Variants in LUZP2 observed in about 807,000 individuals in gnomAD.
LUZP2 encodes leucine zipper protein 2.
In LUZP2, 52 loss-of-function variants were observed where a neutral mutation model predicts 51.6. The ratio of observed to expected loss-of-function variants is 1.01; its 90% CI spans 0.81 to 1.27. The LOEUF (loss-of-function observed/expected upper bound fraction) is 1.27. LUZP2 is among the 50% of genes most tolerant of loss of function. The pLI is 0.00. For missense variants in LUZP2, 436 were observed against 395.4 expected (o/e 1.10, Z -0.87); for synonymous variants, 154 against 137.3 (o/e 1.12, Z -0.85).
At chr11:24,834,375 T>G (rs1004965362) in intron 5 of LUZP2, among the ~76,000 whole-genome samples, 1 of 152,226 alleles carries the variant, frequency 6.6e-6, no homozygotes, top group African/African-American at 2.4e-5. Context: ...ATTAGTCTGA[T>G]GAGAATGATG....
At chr11:25,056,792 T>C (rs1220723411) in intron 10 of LUZP2, among the ~76,000 whole-genome samples, 1 of 152,122 alleles carries the variant, frequency 6.6e-6, no homozygotes, top group East Asian at 1.9e-4. Flanking sequence ...CTTCTGTCAA[T>C]ATTTCATGTT....
At chr11:24,565,470 A>G (rs954764928) in intron 1 of LUZP2, among the ~76,000 whole-genome samples, 2 of 152,112 alleles carry the variant, frequency 1.3e-5, no homozygotes, top group African/African-American at 2.4e-5. Flanking sequence ...AAAATTTATG[A>G]TGGGCTAGAA....
intron 1 of LUZP2, among the ~76,000 whole-genome samples, chr11:24,719,019 T>C (rs1250253595): frequency 6.6e-6 from 1 of 152,060 alleles, no homozygotes; most frequent in Non-Finnish European, 1.5e-5. Flanking sequence ...TAAGAGGAAA[T>C]AGAGGAAAGC....
chr11:24,923,890 G>C (rs1227171607), intron 7 of LUZP2, among the ~76,000 whole-genome samples: 2 of 152,112 alleles, frequency 1.3e-5, no homozygotes, highest in Non-Finnish European at 2.9e-5. Context: ...ATATTTTGCT[G>C]CTTCCTCTAC....
At chr11:25,039,319 G>C (rs1218424114) in intron 9 of LUZP2, among the ~76,000 whole-genome samples, 1 of 152,060 alleles carries the variant, frequency 6.6e-6, no homozygotes, top group Non-Finnish European at 1.5e-5. Context: ...ATGCACTCAG[G>C]TGGAGCAAAG....
intron 5 of LUZP2, among the ~76,000 whole-genome samples, chr11:24,831,717 A>G (rs1309706581): frequency 6.6e-6 from 1 of 152,196 alleles, no homozygotes; most frequent in Non-Finnish European, 1.5e-5. Context: ...TTAAAATATT[A>G]TATTTTAAAC....
At chr11:24,588,739 A>G (rs1206401039) in intron 1 of LUZP2, among the ~76,000 whole-genome samples, 3 of 152,066 alleles carry the variant, frequency 2.0e-5, no homozygotes, top group African/African-American at 7.2e-5. Flanking sequence ...CTCCTTAATA[A>G]CAATTTTACT....
Position 24,584,434 on chromosome 11 carries a change from C to T in LUZP2, c.62+87129C>T, listed in dbSNP as rs139574582. 3.8e-3 allele frequency among the ~76,000 whole-genome samples: 584 copies of T among 152,174 alleles called. 8 individuals carry two copies. Among genetic ancestry groups the T allele is most frequent in the African/African-American group, 0.013 (560 of 41,510 alleles). ...TTGTCAACCATTTATTTCTGTTCAC[C>T]AAAGAAGTAAACAGCTGGATACTTT... is the stretch of plus-strand genomic sequence containing the variant. On this transcript the variant is annotated intron_variant, in intron 1 of 11. Transcript: ENST00000336930.
chr11:24,768,476 A>C (rs1860278871), intron 5 of LUZP2, among the ~76,000 whole-genome samples: 1 of 152,200 alleles, frequency 6.6e-6, no homozygotes, highest in African/African-American at 2.4e-5. Context: ...CATAGTTGGA[A>C]ATACTTCATG....
intron 1 of LUZP2, among the ~76,000 whole-genome samples, chr11:24,505,191 G>T (rs1850110997): frequency 6.6e-6 from 1 of 151,994 alleles, no homozygotes; most frequent in African/African-American, 2.4e-5. Flanking sequence ...TCCTCCAGAG[G>T]GTTATGATGG....
At chr11:24,522,384 C>CA in intron 1 of LUZP2, among the ~76,000 whole-genome samples, 1 of 151,568 alleles carries the variant, frequency 6.6e-6, no homozygotes, top group Non-Finnish European at 1.5e-5. Context: ...TTGAAAGAAG[C>CA]AAAATCTGTT....
chr11:24,592,997 T>G (rs1029512497), intron 1 of LUZP2, among the ~76,000 whole-genome samples: 2 of 152,156 alleles, frequency 1.3e-5, no homozygotes, highest in African/African-American at 4.8e-5. Flanking sequence ...AAAATGGTTT[T>G]GTGTTCTTGT....
rs756098490 is a variant in LUZP2 at position 24,948,831 on chromosome 11, CTATCTATCTATCTATCT to C, written c.523-27759_523-27743del. ...ATCTATCTATCTATCTATCATCTAT[CTATCTATCTATCTATCT>C]ATCTATCTATCTATCTATCTACCTA... On this transcript the variant is annotated intron_variant, in intron 7 of 11. Coordinates refer to ENST00000336930, the MANE Select transcript of LUZP2 (RefSeq NM_001009909.4). Among the ~76,000 whole-genome samples, 112 of 95,888 alleles carry C rather than the reference CTATCTATCTATCTATCT, an allele frequency of 1.2e-3. 3 individuals are homozygous for C. In the South Asian group the frequency reaches 0.031, roughly 26 times the overall value. The allele number at this position is 95,888 out of a possible 152,430, so 62.9% of individuals were successfully genotyped here.
intron 5 of LUZP2, among the ~76,000 whole-genome samples, chr11:24,770,357 T>C (rs1411449077): frequency 6.6e-6 from 1 of 152,156 alleles, no homozygotes; most frequent in Non-Finnish European, 1.5e-5. Context: ...TTGATTCTGG[T>C]CAGTGGTGGA....
chr11:24,827,134 G>C (rs1850567722), intron 5 of LUZP2, among the ~76,000 whole-genome samples: 1 of 152,114 alleles, frequency 6.6e-6, no homozygotes, highest in South Asian at 2.1e-4. Flanking sequence ...GTATAAGATT[G>C]AATGGCCAAT....
intron 9 of LUZP2, among the ~76,000 whole-genome samples, chr11:25,032,484 C>T (rs1273407825): frequency 6.6e-6 from 1 of 152,048 alleles, no homozygotes; most frequent in East Asian, 1.9e-4. Context: ...TATAATTTTG[C>T]TCTAATATTC....
At chr11:24,665,379 A>G (rs1327190655) in intron 1 of LUZP2, among the ~76,000 whole-genome samples, 1 of 152,164 alleles carries the variant, frequency 6.6e-6, no homozygotes, top group African/African-American at 2.4e-5. Flanking sequence ...GTCTCAGACA[A>G]AACTTTGGAC....
chr11:24,750,480 A>G (rs1343112949), intron 4 of LUZP2, among the ~76,000 whole-genome samples: 1 of 152,232 alleles, frequency 6.6e-6, no homozygotes, highest in African/African-American at 2.4e-5. Context: ...ATTGTAAAAC[A>G]CAGCTGATGT....
intron 7 of LUZP2, among the ~76,000 whole-genome samples, chr11:24,972,139 GAA>G (rs10701148): frequency 4.6e-3 from 151 of 32,788 alleles, no homozygotes; most frequent in African/African-American, 0.017. Flanking sequence ...GTGAGACTCC[GAA>G]AAAAAAAAAA....
Sources: gnomAD v4.1 joint callset for allele counts (sites outside exome capture counted in the v4.1 genomes callset) on GRCh38, gnomAD v4.1.1 for gene constraint, MANE v1.5 for transcripts, NCBI Gene and HGNC (gene_info 2026-07-23, HGNC 2026-07-21) for gene names.